The following GMDS variants were observed in gnomAD, a reference collection of about 807,000 sequenced individuals.
GMDS encodes the protein GDP-mannose 4,6-dehydratase.
A neutral mutation model predicts 49.9 loss-of-function variants in GMDS; 20 were observed. The observed-to-expected ratio is 0.40, with a 90% CI of 0.28 to 0.58. The LOEUF (loss-of-function observed/expected upper bound fraction) is 0.58, where lower values mean the gene tolerates loss of function less well. Among genes scored for constraint, GMDS ranks in the 20% least tolerant of loss-of-function variants. GMDS has a pLI of 0.42. For missense variants in GMDS, 362 were observed against 481.4 expected (o/e 0.75, Z 2.32); for synonymous variants, 177 against 178.6 (o/e 0.99, Z 0.07).
At chr6:1,883,619 A>T (rs6912543) in intron 7 of GMDS, among the ~76,000 whole-genome samples, 78 of 152,280 alleles carry the variant, frequency 5.1e-4, no homozygotes, top group African/African-American at 1.9e-3. Context: ...GCTGAAAAAA[A>T]TCTAGGTAAG....
chr6:1,998,873 C>CTT (rs202033146), intron 4 of GMDS, among the ~76,000 whole-genome samples: 61 of 114,752 alleles, frequency 5.3e-4, no homozygotes, highest in South Asian at 2.8e-3. Flanking sequence ...TAAAGGAAAA[C>CTT]TGTTTTTTTT....
chr6:1,673,913 G>A (rs1203214801), intron 9 of GMDS, among the ~76,000 whole-genome samples: 1 of 119,886 alleles, frequency 8.3e-6, no homozygotes, highest in Non-Finnish European at 1.9e-5. Context: ...TTGGATGAAC[G>A]TACCAGAAGT....
intron 4 of GMDS, among the ~76,000 whole-genome samples, chr6:2,022,302 G>A (rs1019376742): frequency 6.6e-6 from 1 of 152,050 alleles, no homozygotes; most frequent in African/African-American, 2.4e-5. Flanking sequence ...ATTGTAAATG[G>A]GTGGATATAG....
chr6:1,865,586 C>A (rs1303105333), intron 7 of GMDS, among the ~76,000 whole-genome samples: 1 of 152,036 alleles, frequency 6.6e-6, no homozygotes, highest in African/African-American at 2.4e-5. Flanking sequence ...CTGCTCACTT[C>A]CCTACCAAAC....
intron 1 of GMDS, among the ~76,000 whole-genome samples, chr6:2,194,922 G>A (rs554955988): frequency 6.6e-6 from 1 of 152,338 alleles, no homozygotes; most frequent in South Asian, 2.1e-4. Context: ...CAGTAGTGAT[G>A]TTCCGTGAAT....
intron 7 of GMDS, among the ~76,000 whole-genome samples, chr6:1,895,472 A>G (rs1760114728): frequency 6.6e-6 from 1 of 152,236 alleles, no homozygotes; most frequent in Non-Finnish European, 1.5e-5. Context: ...ATTTAAGATA[A>G]TATCAATTAA....
intron 1 of GMDS, among the ~76,000 whole-genome samples, chr6:2,163,419 A>ATTG (rs201060025): frequency 6.8e-6 from 1 of 146,742 alleles, no homozygotes; most frequent in Admixed American, 6.6e-5. Flanking sequence ...GTGTGTGTCT[A>ATTG]TGTGTGTGTG....
At chr6:1,681,668 GGT>G (rs552465294) in intron 9 of GMDS, among the ~76,000 whole-genome samples, 2 of 152,220 alleles carry the variant, frequency 1.3e-5, no homozygotes, top group Non-Finnish European at 2.9e-5. Context: ...AGTGCTGGAA[GGT>G]GCTAAAGAGA....
At chr6:2,035,904 C>T (rs1007089487) in intron 4 of GMDS, among the ~76,000 whole-genome samples, 1 of 152,098 alleles carries the variant, frequency 6.6e-6, no homozygotes, top group African/African-American at 2.4e-5. Context: ...CCAGGCTGGT[C>T]TTGAACTACT....
intron 7 of GMDS, among the ~76,000 whole-genome samples, chr6:1,890,250 T>C (rs190326351): frequency 3.3e-4 from 50 of 152,322 alleles, no homozygotes; most frequent in Non-Finnish European, 4.9e-4. Flanking sequence ...GTCTGTCTTT[T>C]TTATCACAGC....
At chr6:2,222,673 G>A (rs1408420546) in intron 1 of GMDS, among the ~76,000 whole-genome samples, 1 of 152,208 alleles carries the variant, frequency 6.6e-6, no homozygotes, top group Non-Finnish European at 1.5e-5. Flanking sequence ...GGCAGGCTGA[G>A]AGTGGAGCAC....
At chr6:1,990,719 C>T (rs1325263235) in intron 4 of GMDS, among the ~76,000 whole-genome samples, 12 of 149,858 alleles carry the variant, frequency 8.0e-5, no homozygotes, top group South Asian at 4.3e-4. Flanking sequence ...GGACTACAGG[C>T]GCAGATCAGC....
At chr6:2,196,497 G>T (rs778329180) in intron 1 of GMDS, among the ~76,000 whole-genome samples, 3 of 152,184 alleles carry the variant, frequency 2.0e-5, no homozygotes, top group Non-Finnish European at 4.4e-5. Flanking sequence ...CTCTAGAACT[G>T]TTTTCTTATG....
At chr6:2,065,782 A>C (rs1040930094) in intron 4 of GMDS, among the ~76,000 whole-genome samples, 3 of 152,238 alleles carry the variant, frequency 2.0e-5, no homozygotes, top group African/African-American at 7.2e-5. Flanking sequence ...GAAAAGACCA[A>C]ATCTACGTCT....
At chr6:2,180,249 G>T (rs1778460382) in intron 1 of GMDS, among the ~76,000 whole-genome samples, 1 of 152,194 alleles carries the variant, frequency 6.6e-6, no homozygotes, top group Admixed American at 6.5e-5. Context: ...GATGAAGGAT[G>T]TCAAGATCTC....
At chr6:2,078,006 T>C (rs763251153) in intron 4 of GMDS, among the ~76,000 whole-genome samples, 2 of 152,150 alleles carry the variant, frequency 1.3e-5, no homozygotes, top group East Asian at 1.9e-4. Context: ...AGATTCAAGC[T>C]TGGTAGATGG....
At chr6:1,927,353 G>C (rs1214374097) in intron 7 of GMDS, among the ~76,000 whole-genome samples, 1 of 146,318 alleles carries the variant, frequency 6.8e-6, no homozygotes, top group Non-Finnish European at 1.5e-5. Context: ...TAGCGTGTTG[G>C]TGTATTTTTA....
chr6:2,243,677 G>C (rs1781717291), intron 1 of GMDS, among the ~76,000 whole-genome samples: 1 of 151,922 alleles, frequency 6.6e-6, no homozygotes, highest in Non-Finnish European at 1.5e-5. Context: ...CCTCTTACTA[G>C]TTTTCAAACT....
At chr6:2,171,475 T>G (rs964158166) in intron 1 of GMDS, among the ~76,000 whole-genome samples, 2 of 152,172 alleles carry the variant, frequency 1.3e-5, no homozygotes, top group Non-Finnish European at 2.9e-5. Flanking sequence ...GCAGATGTGT[T>G]GATGATTAGA....
Sources: gnomAD v4.1 joint callset for allele counts (sites outside exome capture counted in the v4.1 genomes callset) on GRCh38, gnomAD v4.1.1 for gene constraint, MANE v1.5 for transcripts, NCBI Gene and HGNC (gene_info 2026-07-23, HGNC 2026-07-21) for gene names.